Variants in STK32B observed in about 807,000 individuals in gnomAD.
STK32B encodes serine/threonine-protein kinase 32B.
In STK32B, 43 loss-of-function variants were observed where a neutral mutation model predicts 52.6. The ratio of observed to expected loss-of-function variants is 0.82; its 90% CI spans 0.64 to 1.05. The LOEUF (loss-of-function observed/expected upper bound fraction) is 1.05, where lower values mean the gene tolerates loss of function less well. Ranked by LOEUF, STK32B falls within the 50% of genes least tolerant of loss-of-function variation. The pLI is 0.00. For missense variants in STK32B, 621 were observed against 534.6 expected (o/e 1.16, Z -1.59); for synonymous variants, 238 against 204.3 (o/e 1.17, Z -1.41).
At chr4:5,310,389 G>C (rs1730215340) in intron 3 of STK32B, among the ~76,000 whole-genome samples, 1 of 152,098 alleles carries the variant, frequency 6.6e-6, no homozygotes. Flanking sequence ...GAACTTAATA[G>C]ACATTTGTCA....
At chr4:5,476,921 T>TACC (rs1718285812) in intron 11 of STK32B, among the ~76,000 whole-genome samples, 2 of 151,950 alleles carry the variant, frequency 1.3e-5, no homozygotes, top group South Asian at 4.2e-4. Context: ...GATTGGTGGC[T>TACC]ACCACCAGAA....
intron 3 of STK32B, among the ~76,000 whole-genome samples, chr4:5,289,694 T>TG (rs1728768093): frequency 1.0e-5 from 1 of 95,258 alleles, no homozygotes; most frequent in Non-Finnish European, 1.7e-5. Flanking sequence ...AATTTTTTTT[T>TG]TTTTTTTTTT....
At chr4:5,419,644 C>T (rs958353929) in intron 6 of STK32B, among the ~76,000 whole-genome samples, 3 of 152,144 alleles carry the variant, frequency 2.0e-5, no homozygotes, top group Non-Finnish European at 4.4e-5. Flanking sequence ...GGTTTCTTTC[C>T]GTGTAGAAAT....
chr4:5,160,904 G>A (rs1718390241), intron 2 of STK32B, among the ~76,000 whole-genome samples: 1 of 152,184 alleles, frequency 6.6e-6, no homozygotes, highest in Non-Finnish European at 1.5e-5. Flanking sequence ...TGACCTGTGA[G>A]CACAGCCTGA....
intron 11 of STK32B, among the ~76,000 whole-genome samples, chr4:5,474,382 CTG>C (rs1481517903): frequency 3.3e-5 from 5 of 152,222 alleles, no homozygotes; most frequent in African/African-American, 1.2e-4. Flanking sequence ...GACTTCTCAT[CTG>C]TGCCATCAAG....
chr4:5,479,639 C>T (rs796809059), intron 11 of STK32B, among the ~76,000 whole-genome samples: 3 of 152,308 alleles, frequency 2.0e-5, no homozygotes, highest in African/African-American at 7.2e-5. Context: ...TGGGAGGTGG[C>T]AGCAGGGCTT....
At chr4:5,364,949 C>T (rs1289518694) in intron 4 of STK32B, among the ~76,000 whole-genome samples, 1 of 152,156 alleles carries the variant, frequency 6.6e-6, no homozygotes, top group Non-Finnish European at 1.5e-5. Context: ...AATCTCGGCC[C>T]ACTGCAACCT....
intron 5 of STK32B, among the ~76,000 whole-genome samples, chr4:5,415,914 G>A (rs1343704502): frequency 6.6e-6 from 1 of 152,062 alleles, no homozygotes; most frequent in Non-Finnish European, 1.5e-5. Context: ...TGCCTTCCAA[G>A]TCCCTCAAAG....
chr4:5,309,712 C>T (rs1730164144), intron 3 of STK32B, among the ~76,000 whole-genome samples: 1 of 152,158 alleles, frequency 6.6e-6, no homozygotes, highest in Non-Finnish European at 1.5e-5. Flanking sequence ...ACCTATCTCT[C>T]ATTATATAAA....
At chr4:5,473,141 C>T (rs751782995) in intron 11 of STK32B, among the ~76,000 whole-genome samples, 2 of 152,196 alleles carry the variant, frequency 1.3e-5, no homozygotes, top group Non-Finnish European at 2.9e-5. Context: ...TCTAATCTCC[C>T]GTCTCCTAGT....
At chr4:5,098,881 G>C (rs1713545228) in intron 1 of STK32B, among the ~76,000 whole-genome samples, 1 of 152,168 alleles carries the variant, frequency 6.6e-6, no homozygotes, top group Non-Finnish European at 1.5e-5. Context: ...GCATCTATTG[G>C]AATATGTTGA....
At chr4:5,383,697 C>G (rs1029475858) in intron 4 of STK32B, among the ~76,000 whole-genome samples, 2 of 152,178 alleles carry the variant, frequency 1.3e-5, no homozygotes, top group Non-Finnish European at 2.9e-5. Flanking sequence ...AGGCAGTGGA[C>G]TCACCCTGAA....
intron 3 of STK32B, among the ~76,000 whole-genome samples, chr4:5,287,409 G>A (rs192176031): frequency 6.6e-6 from 1 of 152,062 alleles, no homozygotes; most frequent in Admixed American, 6.5e-5. Context: ...TGGCCAATTG[G>A]ACACCCATTT....
rs1560312714 is a variant in STK32B, at chr4:5,317,071, T to TTATATATTATATATATGATATAA, written c.261-14133_261-14132insGATATAATATATATTATATATAT. ...TATATAATATATATGATATAATATA[T>TTATATATTATATATATGATATAA]TATATATTATATATATAATATATAT... On this transcript the variant is annotated intron_variant, in intron 3 of 11. Transcript: ENST00000282908. Among the ~76,000 whole-genome samples the TTATATATTATATATATGATATAA allele has an allele frequency of 1.3e-3, 38 of 29,026 alleles. 2 individuals are homozygous for TTATATATTATATATATGATATAA. The highest frequency in any genetic ancestry group is 6.0e-3 in the African/African-American group (17 of 2,840). 19.0% of individuals were successfully genotyped at this position (29,026 alleles called of 152,430 possible).
At chr4:5,187,768 G>A (rs940058053) in intron 3 of STK32B, among the ~76,000 whole-genome samples, 4 of 152,140 alleles carry the variant, frequency 2.6e-5, no homozygotes, top group South Asian at 2.1e-4. Flanking sequence ...AGTATAAGCC[G>A]GCTCCCGCAC....
chr4:5,141,065 A>G (rs993793178), intron 2 of STK32B, among the ~76,000 whole-genome samples: 75 of 152,248 alleles, frequency 4.9e-4, no homozygotes, highest in African/African-American at 1.6e-3. Context: ...TAGGGTAGCC[A>G]CTAACCACAT....
intron 3 of STK32B, among the ~76,000 whole-genome samples, chr4:5,175,750 G>C (rs1206160381): frequency 6.6e-6 from 1 of 152,092 alleles, no homozygotes; most frequent in Non-Finnish European, 1.5e-5. Flanking sequence ...TTGGGGATCA[G>C]GGACCCACTT....
intron 1 of STK32B, among the ~76,000 whole-genome samples, chr4:5,072,358 C>T (rs1711835168): frequency 6.6e-6 from 1 of 152,140 alleles, no homozygotes; most frequent in Non-Finnish European, 1.5e-5. Flanking sequence ...TGTACCCCTC[C>T]TCAGTCTTTC....
intron 6 of STK32B, among the ~76,000 whole-genome samples, chr4:5,419,069 A>G (rs1261604787): frequency 6.6e-6 from 1 of 152,242 alleles, no homozygotes; most frequent in East Asian, 1.9e-4. Flanking sequence ...CCCTGGAAGG[A>G]TAAATTCCAC....
Sources: gnomAD v4.1 joint callset for allele counts (sites outside exome capture counted in the v4.1 genomes callset) on GRCh38, gnomAD v4.1.1 for gene constraint, MANE v1.5 for transcripts, NCBI Gene and HGNC (gene_info 2026-07-23, HGNC 2026-07-21) for gene names.